Variants in EYA4 observed in about 807,000 individuals in gnomAD.
EYA4 encodes protein phosphatase EYA4.
In EYA4, 31 loss-of-function variants were observed where a neutral mutation model predicts 87.9. The observed-to-expected ratio is 0.35, with a 90% CI of 0.27 to 0.48. The LOEUF (loss-of-function observed/expected upper bound fraction) is 0.48, where lower values mean the gene tolerates loss of function less well. Ranked by LOEUF, EYA4 falls within the 20% of genes least tolerant of loss-of-function variation. EYA4 has a pLI of 0.99. For missense variants in EYA4, 678 were observed against 761.4 expected (o/e 0.89, Z 1.29); for synonymous variants, 263 against 270.6 (o/e 0.97, Z 0.28).
intron 3 of EYA4, among the ~76,000 whole-genome samples, chr6:133,422,531 A>G (rs1790309252): frequency 6.6e-6 from 1 of 152,182 alleles, no homozygotes; most frequent in Non-Finnish European, 1.5e-5. Flanking sequence ...TAGACATTTA[A>G]GTTATTTCTA....
intron 10 of EYA4, among the ~76,000 whole-genome samples, chr6:133,466,638 G>T (rs867630997): frequency 1.3e-5 from 2 of 152,156 alleles, no homozygotes; most frequent in African/African-American, 2.4e-5. Flanking sequence ...TTTATATAAG[G>T]CTTCTCTATG....
intron 2 of EYA4, among the ~76,000 whole-genome samples, chr6:133,353,528 C>T (rs1783791913): frequency 6.6e-6 from 1 of 152,148 alleles, no homozygotes; most frequent in African/African-American, 2.4e-5. Context: ...GGATCAAGGA[C>T]ACTTTAGCTC....
intron 2 of EYA4, among the ~76,000 whole-genome samples, chr6:133,376,893 G>A (rs1215336156): frequency 6.6e-6 from 1 of 151,928 alleles, no homozygotes; most frequent in South Asian, 2.1e-4. Flanking sequence ...GGGGTGAATA[G>A]TATTGTGAAA....
intron 3 of EYA4, among the ~76,000 whole-genome samples, chr6:133,428,588 A>T (rs756309146): frequency 6.6e-6 from 1 of 152,204 alleles, no homozygotes; most frequent in Admixed American, 6.5e-5. Flanking sequence ...CAATAACTTC[A>T]TCAAGAAACC....
chr6:133,390,365 G>A (rs909842121), intron 3 of EYA4, among the ~76,000 whole-genome samples: 3 of 151,918 alleles, frequency 2.0e-5, no homozygotes, highest in Non-Finnish European at 2.9e-5. Context: ...GACTACAGGC[G>A]CCCCCGCCAC....
chr6:133,530,904 A>G lies in EYA4; in HGVS notation c.*2099A>G, dbSNP rs1800970821. ...CCTTAGCTTGAAAATAGCAGTTAAA[A>G]AAATTTAAATGTTGCCTTGATTATC... On this transcript the variant is annotated 3_prime_UTR_variant, in exon 20 of 20. Transcript: ENST00000355286. 9.1e-7 allele frequency: 1 copy of G among 1,098,704 alleles called. No individual in the cohort carries two copies. The highest frequency in any genetic ancestry group is 1.1e-6 in the Non-Finnish European group (1 of 902,840). The allele number at this position is 1,098,704 out of a possible 1,614,324, so 68.1% of individuals were successfully genotyped here. A position where few individuals can be genotyped will look rare whatever the true frequency, so the allele number is the denominator to read the frequency against.
chr6:133,348,834 A>G (rs1783419121), intron 2 of EYA4, among the ~76,000 whole-genome samples: 1 of 151,928 alleles, frequency 6.6e-6, no homozygotes, highest in Non-Finnish European at 1.5e-5. Context: ...TTGTCTCCTT[A>G]TGGTATATTC....
chr6:133,320,715 A>C (rs2128354180), intron 2 of EYA4, among the ~76,000 whole-genome samples: 1 of 152,070 alleles, frequency 6.6e-6, no homozygotes, highest in South Asian at 2.1e-4. Flanking sequence ...ATGTCTATTA[A>C]TTTCATCTTT....
chr6:133,402,147 T>A (rs1053246316), intron 3 of EYA4, among the ~76,000 whole-genome samples: 1 of 152,050 alleles, frequency 6.6e-6, no homozygotes, highest in African/African-American at 2.4e-5. Flanking sequence ...ATCTATATGA[T>A]TCTAGGGACA....
At chr6:133,284,315 A>G (rs941118212) in intron 2 of EYA4, among the ~76,000 whole-genome samples, 8 of 152,176 alleles carry the variant, frequency 5.3e-5, no homozygotes, top group African/African-American at 1.7e-4. Flanking sequence ...CTGGGACTAC[A>G]GGTGCACACT....
intron 3 of EYA4, among the ~76,000 whole-genome samples, chr6:133,391,216 G>GT (rs1171912624): frequency 0.23 from 15,132 of 65,570 alleles, 911 homozygotes; most frequent in South Asian, 0.34. Flanking sequence ...TTTGGGTTTT[G>GT]TTTTTGTTTT....
At chr6:133,461,818 T>TC (rs1457941899) in intron 7 of EYA4, among the ~76,000 whole-genome samples, 4 of 151,470 alleles carry the variant, frequency 2.6e-5, no homozygotes, top group Admixed American at 2.0e-4. Context: ...TCCTTTTTTT[T>TC]TTTTTTTTTT....
intron 12 of EYA4, 104 bp from the exon 13 acceptor site, chr6:133,482,928 A>G: frequency 1.1e-6 from 1 of 940,732 alleles, no homozygotes; most frequent in African/African-American, 1.7e-5. Flanking sequence ...TTTCTATTAA[A>G]TGATATCAAG....
At chr6:133,298,835 G>A (rs745922508) in intron 2 of EYA4, among the ~76,000 whole-genome samples, 6 of 152,112 alleles carry the variant, frequency 3.9e-5, no homozygotes, top group Non-Finnish European at 5.9e-5. Context: ...AATTTCATGC[G>A]GTTCATCCTG....
At chr6:133,265,434 T>C (rs1776140433) in intron 1 of EYA4, among the ~76,000 whole-genome samples, 1 of 152,178 alleles carries the variant, frequency 6.6e-6, no homozygotes, top group Admixed American at 6.5e-5. Flanking sequence ...TGTTATTCCT[T>C]AATCTTATAT....
At chr6:133,241,072 A>G (rs1773903074), upstream of EYA4, among the ~76,000 whole-genome samples, 1 of 151,928 alleles carries the variant, frequency 6.6e-6, no homozygotes, top group Non-Finnish European at 1.5e-5. Flanking sequence ...GAGGGCACGG[A>G]GATTACGGCG....
intron 2 of EYA4, among the ~76,000 whole-genome samples, chr6:133,357,113 T>C (rs1408441484): frequency 6.6e-6 from 1 of 151,096 alleles, no homozygotes; most frequent in Non-Finnish European, 1.5e-5. Flanking sequence ...CTACTAAAAA[T>C]ACAAAAAATT....
intron 3 of EYA4, among the ~76,000 whole-genome samples, chr6:133,424,980 A>G (rs935038671): frequency 6.6e-6 from 1 of 150,600 alleles, no homozygotes; most frequent in Non-Finnish European, 1.5e-5. Flanking sequence ...CTTGGCAACC[A>G]TGGATCTTCC....
chr6:133,498,832 A>G (rs1049356391), intron 13 of EYA4, among the ~76,000 whole-genome samples: 2 of 152,160 alleles, frequency 1.3e-5, no homozygotes, highest in Non-Finnish European at 2.9e-5. Flanking sequence ...ATTGCTACCT[A>G]TTGTCTCCCC....
Sources: gnomAD v4.1 joint callset for allele counts (sites outside exome capture counted in the v4.1 genomes callset) on GRCh38, gnomAD v4.1.1 for gene constraint, MANE v1.5 for transcripts, NCBI Gene and HGNC (gene_info 2026-07-23, HGNC 2026-07-21) for gene names.